Variants in PPP1R1C observed in about 807,000 individuals in gnomAD.
PPP1R1C encodes protein phosphatase 1 regulatory inhibitor subunit 1C.
In PPP1R1C, 15 loss-of-function variants were observed where a neutral mutation model predicts 17.4. The ratio of observed to expected loss-of-function variants is 0.86; its 90% CI spans 0.58 to 1.33. The LOEUF is 1.33. PPP1R1C is among the 40% of genes most tolerant of loss of function. PPP1R1C has a pLI of 0.00. For synonymous variants in PPP1R1C, 35 were observed against 43.1 expected, an observed-to-expected ratio of 0.81 and a Z score of 0.73; for missense variants, 143 against 130.0, an observed-to-expected ratio of 1.10 and a Z score of -0.48.
chr2:182,037,480 G>A (rs557735164), intron 2 of PPP1R1C, among the ~76,000 whole-genome samples: 17 of 151,944 alleles, frequency 1.1e-4, no homozygotes, highest in East Asian at 1.9e-4. Flanking sequence ...CCAGCTACTC[G>A]GGAGGCTGAG....
At chr2:181,986,428 G>A (rs926795647) in intron 1 of PPP1R1C, among the ~76,000 whole-genome samples, 2 of 152,090 alleles carry the variant, frequency 1.3e-5, no homozygotes, top group Non-Finnish European at 2.9e-5. Flanking sequence ...AGGGGAAAAT[G>A]GCTCTGTAAG....
At chr2:182,123,576 T>C (rs1689790801) in intron 5 of PPP1R1C, among the ~76,000 whole-genome samples, 1 of 152,228 alleles carries the variant, frequency 6.6e-6, no homozygotes, top group African/African-American at 2.4e-5. Flanking sequence ...CTCATGGTGG[T>C]TTTGATTTGC....
At chr2:181,981,395 G>T (rs566086947), upstream of PPP1R1C, among the ~76,000 whole-genome samples, 1 of 152,118 alleles carries the variant, frequency 6.6e-6, no homozygotes, top group Non-Finnish European at 1.5e-5. Context: ...GTCTGGTAAG[G>T]CTTCTTATAG....
chr2:182,093,141 G>T (rs1001407622), intron 4 of PPP1R1C, among the ~76,000 whole-genome samples: 2 of 152,152 alleles, frequency 1.3e-5, no homozygotes, highest in African/African-American at 4.8e-5. Flanking sequence ...CTAGGTGGAG[G>T]TTCCCAAACC....
At chr2:182,010,203 T>C (rs71427821) in intron 2 of PPP1R1C, among the ~76,000 whole-genome samples, 325 of 152,194 alleles carry the variant, frequency 2.1e-3, no homozygotes, top group Non-Finnish European at 3.8e-3. Context: ...ATTTCTAGAC[T>C]GTTTTGGGTA....
At chr2:182,089,688 A>G (rs369845284) in intron 4 of PPP1R1C, among the ~76,000 whole-genome samples, 3 of 152,178 alleles carry the variant, frequency 2.0e-5, no homozygotes, top group East Asian at 3.8e-4. Flanking sequence ...TTCAAAGAGT[A>G]ACATGGTAGA....
At chr2:182,120,450 T>C (rs2217615), downstream of PPP1R1C, among the ~76,000 whole-genome samples, 61,029 of 151,982 alleles carry the variant, frequency 0.4, 12,609 homozygotes, top group Non-Finnish European at 0.45. Context: ...ATCAAATAGA[T>C]GCAATAAAAA....
intron 4 of PPP1R1C, among the ~76,000 whole-genome samples, chr2:182,071,820 G>A (rs1458952576): frequency 1.3e-5 from 2 of 151,926 alleles, no homozygotes; most frequent in Admixed American, 1.3e-4. Flanking sequence ...TTGGCCTTTG[G>A]GAACTTTTTC....
chr2:182,014,419 G>A (rs1372632035), intron 2 of PPP1R1C, among the ~76,000 whole-genome samples: 1 of 152,102 alleles, frequency 6.6e-6, no homozygotes, highest in Admixed American at 6.5e-5. Context: ...TCTCTGTGCT[G>A]AGCTGTGTAG....
upstream of PPP1R1C, among the ~76,000 whole-genome samples, chr2:181,983,056 T>C (rs1685221839): frequency 6.6e-6 from 1 of 152,200 alleles, no homozygotes; most frequent in Admixed American, 6.5e-5. Context: ...ATTAATAGTA[T>C]CCTAGTCATG....
At chr2:182,075,186 T>A (rs980474459) in intron 4 of PPP1R1C, among the ~76,000 whole-genome samples, 10 of 152,242 alleles carry the variant, frequency 6.6e-5, no homozygotes, top group East Asian at 1.9e-4. Flanking sequence ...GAAGCTATCA[T>A]TTTATTCTTT....
intron 4 of PPP1R1C, among the ~76,000 whole-genome samples, chr2:182,085,349 C>A (rs960247612): frequency 4.6e-5 from 7 of 151,966 alleles, no homozygotes; most frequent in Non-Finnish European, 8.8e-5. Flanking sequence ...TCTGTACATC[C>A]ATCTGTATAC....
chr2:182,104,318 G>A (rs1330530952), intron 4 of PPP1R1C, among the ~76,000 whole-genome samples: 2 of 152,168 alleles, frequency 1.3e-5, no homozygotes, highest in Non-Finnish European at 2.9e-5. Flanking sequence ...CTATGGGGTT[G>A]TCATACATAT....
intron 4 of PPP1R1C, among the ~76,000 whole-genome samples, chr2:182,089,945 A>G (rs548931339): frequency 7.9e-5 from 12 of 152,048 alleles, no homozygotes; most frequent in South Asian, 2.1e-4. Flanking sequence ...TTTAAATACA[A>G]TTTTTAAATG....
chr2:182,111,029 AAGAG>A (rs918540464), intron 4 of PPP1R1C, among the ~76,000 whole-genome samples: 26 of 152,094 alleles, frequency 1.7e-4, no homozygotes, highest in African/African-American at 5.8e-4. Flanking sequence ...CATTTTTAAA[AAGAG>A]AGAGAGAGAT....
intron 4 of PPP1R1C, among the ~76,000 whole-genome samples, chr2:182,082,681 A>C (rs779957392): frequency 1.4e-4 from 22 of 152,200 alleles, no homozygotes; most frequent in Admixed American, 2.6e-4. Context: ...GAATTTCAAG[A>C]TTGATCTATT....
rs1689618257 is a variant in PPP1R1C, at chr2:182,117,335, A to T, written c.*40A>T. On this transcript the variant is annotated 3_prime_UTR_variant, in exon 5 of 5. Coordinates refer to ENST00000682840, the MANE Select transcript of PPP1R1C (RefSeq NM_001080545.3). ...CAAGAAGGCTTCTTGGAAATAACTG[A>T]ACTATTAACTTTTCTGAGTATACCA... The T allele has an allele frequency of 2.2e-6, 3 of 1,392,750 alleles. No individual in the cohort carries two copies. Among genetic ancestry groups the T allele is most frequent in the Non-Finnish European group, 3.0e-6 (3 of 1,014,040 alleles). The allele number at this position is 1,392,750 out of a possible 1,614,324, so 86.3% of individuals were successfully genotyped here. A position where few individuals can be genotyped will look rare whatever the true frequency, so the allele number is the denominator to read the frequency against.
chr2:182,096,846 A>G (rs1176334787), intron 4 of PPP1R1C, among the ~76,000 whole-genome samples: 1 of 152,176 alleles, frequency 6.6e-6, no homozygotes, highest in Non-Finnish European at 1.5e-5. Context: ...TGAAATTTCA[A>G]TACAACTCAG....
At chr2:182,072,166 A>G (rs1204779205) in intron 4 of PPP1R1C, among the ~76,000 whole-genome samples, 1 of 152,230 alleles carries the variant, frequency 6.6e-6, no homozygotes, top group Non-Finnish European at 1.5e-5. Context: ...TAATGCTAAT[A>G]GGAATCTCAG....
Sources: gnomAD v4.1 joint callset for allele counts (sites outside exome capture counted in the v4.1 genomes callset) on GRCh38, gnomAD v4.1.1 for gene constraint, MANE v1.5 for transcripts, NCBI Gene and HGNC (gene_info 2026-07-23, HGNC 2026-07-21) for gene names.